Variants in CECR2 observed in about 807,000 individuals in gnomAD.
The protein encoded by CECR2 is chromatin remodeling regulator CECR2.
A neutral mutation model predicts 154.5 loss-of-function variants in CECR2; 30 were observed. The observed-to-expected ratio is 0.19, with a 90% CI of 0.15 to 0.26. The LOEUF (loss-of-function observed/expected upper bound fraction) is 0.26, where lower values mean the gene tolerates loss of function less well. Among genes scored for constraint, CECR2 ranks in the 10% least tolerant of loss-of-function variants. CECR2 has a pLI of 1.00. For synonymous variants in CECR2, 725 were observed against 683.7 expected (o/e 1.06, Z -0.94); for missense variants, 1,743 against 1,829.3 (o/e 0.95, Z 0.86).
intron 1 of CECR2, among the ~76,000 whole-genome samples, chr22:17,444,060 T>TA (rs1555910167): frequency 1.3e-5 from 2 of 152,200 alleles, no homozygotes; most frequent in Non-Finnish European, 2.9e-5. Flanking sequence ...CAGGCACACA[T>TA]ACGCACTTGG....
chr22:17,484,731 A>C (rs943875661), intron 2 of CECR2, among the ~76,000 whole-genome samples: 1 of 152,148 alleles, frequency 6.6e-6, no homozygotes, highest in Non-Finnish European at 1.5e-5. Flanking sequence ...TTCAAAAATT[A>C]GCCGGGTGTA....
chr22:17,429,499 C>A (rs2054385668), intron 1 of CECR2, among the ~76,000 whole-genome samples: 1 of 139,022 alleles, frequency 7.2e-6, no homozygotes. Context: ...CCCAGGAGTT[C>A]AAGACCAGCC....
intron 1 of CECR2, among the ~76,000 whole-genome samples, chr22:17,437,456 G>T (rs2054523668): frequency 6.6e-6 from 1 of 152,018 alleles, no homozygotes; most frequent in Non-Finnish European, 1.5e-5. Context: ...TACTTGCTGT[G>T]ACTTCAACCT....
At chr22:17,504,740 C>G (rs554569162) in intron 6 of CECR2, 107 bp from the exon 7 acceptor site, 4 of 1,036,534 alleles carry the variant, frequency 3.9e-6, no homozygotes, top group Non-Finnish European at 4.2e-6. Context: ...CGCGCCCGGC[C>G]GAGTTCCTTA....
chr22:17,460,410 A>G (rs1312736184), intron 1 of CECR2, among the ~76,000 whole-genome samples: 1 of 152,152 alleles, frequency 6.6e-6, no homozygotes, highest in Non-Finnish European at 1.5e-5. Flanking sequence ...GGATTTCGCC[A>G]TGTTGGCCAG....
chr22:17,548,896 T>C lies in CECR2; in HGVS notation c.3609T>C (p.Tyr1203=). Residue 1203 remains tyrosine (Y), a synonymous_variant, in exon 17 of 19, where the codon TAT becomes TAC. Coordinates refer to ENST00000262608, the MANE Select transcript of CECR2 (RefSeq NM_001290047.2). ...SYHHYQRTPY[Y]ACPQSFSDWQ... is the part of the protein sequence containing the mutation. ...ACCACTATCAGCGAACTCCTTACTATGCCTGTCCACAGAGCTTTTCTGACT... is the reference window on the plus strand; with the variant it reads ...ACCACTATCAGCGAACTCCTTACTACGCCTGTCCACAGAGCTTTTCTGACT... 6.2e-7 allele frequency: 1 copy of C among 1,613,432 alleles called. No individual in the cohort carries two copies. Among genetic ancestry groups the C allele is most frequent in the Non-Finnish European group, 8.5e-7 (1 of 1,179,586 alleles).
intron 14 of CECR2, 82 bp from the exon 15 acceptor site, chr22:17,541,757 C>A: frequency 6.7e-7 from 1 of 1,484,556 alleles, no homozygotes; most frequent in Admixed American, 2.2e-5. Flanking sequence ...GTAGAACGTT[C>A]ATCTTCAGGA....
intron 8 of CECR2, among the ~76,000 whole-genome samples, chr22:17,521,537 AAGAG>A (rs898449013): frequency 8.6e-5 from 13 of 150,826 alleles, no homozygotes; most frequent in South Asian, 4.2e-4. Context: ...AAAAAAAAAA[AAGAG>A]AGAGAGAGAG....
At position 17,499,340 on chromosome 22, in the gene CECR2, C is replaced by A. The variant is rs377680855; in HGVS notation, c.406-70C>A. ...TATGCTTACGTGTAAATTTGGAATC[C>A]TCGTTCTGGTTTTTTCCTGGTGCGT... On this transcript the variant is annotated intron_variant, in intron 3 of 18. Transcript: ENST00000262608. 41 of 1,546,478 alleles carry A rather than the reference C, an allele frequency of 2.7e-5. No homozygotes were observed. The East Asian group carries it at 8.3e-4, about 31-fold the overall frequency.
intron 1 of CECR2, among the ~76,000 whole-genome samples, chr22:17,394,539 C>T (rs1029805495): frequency 2.0e-5 from 3 of 152,226 alleles, no homozygotes; most frequent in Non-Finnish European, 2.9e-5. Context: ...ATATATCTGT[C>T]CCTGTGCCAG....
At chr22:17,392,769 C>G (rs1011812058) in intron 1 of CECR2, among the ~76,000 whole-genome samples, 4 of 152,186 alleles carry the variant, frequency 2.6e-5, no homozygotes, top group African/African-American at 9.6e-5. Context: ...AGGCCGGGCA[C>G]GGTGGCTCAC....
At chr22:17,398,566 G>T (rs1267115523) in intron 1 of CECR2, among the ~76,000 whole-genome samples, 4 of 152,196 alleles carry the variant, frequency 2.6e-5, no homozygotes, top group African/African-American at 9.7e-5. Context: ...GAGCCAGACG[G>T]GGTCTGTTTC....
intron 1 of CECR2, among the ~76,000 whole-genome samples, chr22:17,465,349 A>G (rs1327220381): frequency 1.3e-5 from 2 of 151,296 alleles, no homozygotes; most frequent in Non-Finnish European, 2.9e-5. Context: ...TGTTTTTTTG[A>G]GACCTAGTCT....
At chr22:17,392,717 T>TTATCTCAATTGTTGTTG (rs2146509600) in intron 1 of CECR2, among the ~76,000 whole-genome samples, 1 of 152,018 alleles carries the variant, frequency 6.6e-6, no homozygotes, top group Non-Finnish European at 1.5e-5. Context: ...GAGATATTAT[T>TTATCTCAATTGTTGTTG]TACATACTAT....
At chr22:17,495,259 G>A (rs915415385) in intron 2 of CECR2, among the ~76,000 whole-genome samples, 2 of 152,090 alleles carry the variant, frequency 1.3e-5, no homozygotes, top group African/African-American at 4.8e-5. Context: ...TACATGGAAG[G>A]CATATTTAGG....
intron 1 of CECR2, among the ~76,000 whole-genome samples, chr22:17,472,165 G>A (rs1419396894): frequency 1.3e-5 from 2 of 152,134 alleles, no homozygotes; most frequent in African/African-American, 4.8e-5. Context: ...TCCATCTCTT[G>A]GCCAACTGAA....
intron 2 of CECR2, among the ~76,000 whole-genome samples, chr22:17,486,558 A>G (rs2055424614): frequency 6.6e-6 from 1 of 152,148 alleles, no homozygotes; most frequent in African/African-American, 2.4e-5. Flanking sequence ...ATGGCTGGGA[A>G]CGCGGGTGGC....
intron 7 of CECR2, among the ~76,000 whole-genome samples, chr22:17,510,897 A>ATG (rs1601487929): frequency 6.6e-6 from 1 of 151,992 alleles, no homozygotes; most frequent in East Asian, 1.9e-4. Context: ...GAGCCACCCC[A>ATG]CCCAGCCCGA....
chr22:17,536,895 A>G (rs2147008393), intron 9 of CECR2, among the ~76,000 whole-genome samples: 1 of 152,234 alleles, frequency 6.6e-6, no homozygotes, highest in South Asian at 2.1e-4. Flanking sequence ...TGAGTGAGGA[A>G]ACAGGTTCAA....
Sources: allele counts gnomAD v4.1 joint callset (sites outside exome capture counted in the v4.1 genomes callset), GRCh38; gene constraint gnomAD v4.1.1; transcripts MANE v1.5; gene names NCBI Gene and HGNC (gene_info 2026-07-23, HGNC 2026-07-21).